FBXL17: variants seen among roughly 807,000 people sequenced by gnomAD.
FBXL17 encodes F-box/LRR-repeat protein 17.
FBXL17 carries 22 observed loss-of-function variants against 66.2 expected under a neutral mutation model. The observed-to-expected ratio is 0.33, with a 90% CI of 0.24 to 0.47. The LOEUF (loss-of-function observed/expected upper bound fraction) is 0.47, where lower values mean the gene tolerates loss of function less well. Ranked by LOEUF, FBXL17 falls within the 20% of genes least tolerant of loss-of-function variation. The pLI is 1.00. For synonymous variants in FBXL17, 474 were observed against 400.5 expected (o/e 1.18, Z -2.19); for missense variants, 878 against 948.2 (o/e 0.93, Z 0.97).
intron 4 of FBXL17, among the ~76,000 whole-genome samples, chr5:108,314,758 G>C (rs980791417): frequency 2.0e-5 from 3 of 151,390 alleles, no homozygotes; most frequent in African/African-American, 7.2e-5. Flanking sequence ...AAAGTCCTAA[G>C]ATTTATACTA....
chr5:108,189,675 T>C (rs1335442304), intron 5 of FBXL17, among the ~76,000 whole-genome samples: 1 of 152,208 alleles, frequency 6.6e-6, no homozygotes, highest in East Asian at 1.9e-4. Context: ...TGGTTCCTGA[T>C]TAGTTGACAC....
At chr5:108,334,542 C>T (rs909606890) in intron 4 of FBXL17, among the ~76,000 whole-genome samples, 5 of 152,188 alleles carry the variant, frequency 3.3e-5, no homozygotes, top group African/African-American at 1.2e-4. Flanking sequence ...AATTCAGTTT[C>T]TTTTGTTCTG....
chr5:107,991,285 G>A (rs2112692813), intron 7 of FBXL17, among the ~76,000 whole-genome samples: 1 of 152,306 alleles, frequency 6.6e-6, no homozygotes, highest in South Asian at 2.1e-4. Context: ...ACTGAATGCA[G>A]CAGCACCCTC....
intron 5 of FBXL17, among the ~76,000 whole-genome samples, chr5:108,207,562 G>A (rs955366399): frequency 6.6e-6 from 1 of 151,936 alleles, no homozygotes; most frequent in African/African-American, 2.4e-5. Context: ...TCCCACTTAC[G>A]AGTGAGAACA....
chr5:108,364,861 A>G lies in FBXL17; in HGVS notation c.1251T>C (p.Tyr417=). The change falls in exon 3 of 9, where the codon TAT becomes TAC. Residue 417 remains tyrosine (Y), a synonymous_variant. Coordinates refer to ENST00000542267, the MANE Select transcript of FBXL17 (RefSeq NM_001163315.3). ...AAAGCTGTTTACACCTGTAGGCTGT[A>G]TACCTAAGAAGTCCAGGACATTTAA... The part of the protein sequence containing the change: ...LAFKCPGLLR[Y]TAYRCKQLSD... The G allele has an allele frequency of 6.2e-7, 1 of 1,613,192 alleles. No homozygotes were observed. The highest frequency in any genetic ancestry group is 8.5e-7 in the Non-Finnish European group (1 of 1,179,364).
chr5:108,318,350 C>T (rs985900440), intron 4 of FBXL17, among the ~76,000 whole-genome samples: 1 of 151,044 alleles, frequency 6.6e-6, no homozygotes, highest in Non-Finnish European at 1.5e-5. Context: ...TACTGACCTC[C>T]TATTACATAC....
chr5:108,280,698 C>T (rs1374949079), intron 4 of FBXL17, among the ~76,000 whole-genome samples: 2 of 150,114 alleles, frequency 1.3e-5, no homozygotes, highest in Non-Finnish European at 3.0e-5. Flanking sequence ...AGATTAAATG[C>T]TCCAATTAAA....
intron 7 of FBXL17, among the ~76,000 whole-genome samples, chr5:107,932,232 C>T (rs946714398): frequency 2.2e-4 from 34 of 152,164 alleles, no homozygotes; most frequent in African/African-American, 6.0e-4. Flanking sequence ...GAAATGTTCA[C>T]GTGAATAGAA....
chr5:108,083,830 G>C (rs1403252041), intron 6 of FBXL17, among the ~76,000 whole-genome samples: 4 of 152,094 alleles, frequency 2.6e-5, no homozygotes, highest in Non-Finnish European at 1.5e-5. Context: ...CAACAAAACA[G>C]AGCAGACAGC....
chr5:108,075,312 C>T (rs182446539), intron 6 of FBXL17, among the ~76,000 whole-genome samples: 153 of 152,206 alleles, frequency 1.0e-3, no homozygotes, highest in Non-Finnish European at 1.8e-3. Flanking sequence ...TTATCTTCCT[C>T]TAACTAACAC....
intron 8 of FBXL17, among the ~76,000 whole-genome samples, chr5:107,867,003 AATTC>A (rs1323280008): frequency 1.3e-5 from 2 of 152,140 alleles, no homozygotes. Flanking sequence ...GTGCTGGCTA[AATTC>A]ATATAGGGAT....
chr5:108,349,013 C>T (rs530647869), intron 3 of FBXL17, among the ~76,000 whole-genome samples: 8 of 152,158 alleles, frequency 5.3e-5, no homozygotes, highest in African/African-American at 1.9e-4. Flanking sequence ...GCTATGTTAC[C>T]CAGACTAGTC....
intron 3 of FBXL17, among the ~76,000 whole-genome samples, chr5:108,350,426 C>T (rs907353603): frequency 2.0e-5 from 3 of 152,026 alleles, no homozygotes; most frequent in East Asian, 1.9e-4. Flanking sequence ...ACAGTGAAAA[C>T]GGAGGAATTC....
chr5:108,212,810 G>A (rs1320007634), intron 5 of FBXL17, among the ~76,000 whole-genome samples: 1 of 152,198 alleles, frequency 6.6e-6, no homozygotes, highest in Non-Finnish European at 1.5e-5. Flanking sequence ...CACTTGAAGA[G>A]GCAGTCTGAT....
chr5:108,376,798 T>G (rs1018533836), intron 1 of FBXL17, among the ~76,000 whole-genome samples: 1 of 150,848 alleles, frequency 6.6e-6, no homozygotes, highest in Non-Finnish European at 1.5e-5. Context: ...TTTTTTTTTT[T>G]TTTTTTTGAG....
At chr5:108,318,548 T>C (rs894424925) in intron 4 of FBXL17, among the ~76,000 whole-genome samples, 1 of 151,856 alleles carries the variant, frequency 6.6e-6, no homozygotes, top group Non-Finnish European at 1.5e-5. Context: ...CTAATAGCAT[T>C]TAATATCTTT....
At chr5:108,115,125 G>A (rs1260965526) in intron 6 of FBXL17, among the ~76,000 whole-genome samples, 1 of 152,126 alleles carries the variant, frequency 6.6e-6, no homozygotes, top group Non-Finnish European at 1.5e-5. Flanking sequence ...AATATAGGAA[G>A]GTGTCTATTG....
At chr5:108,126,308 T>C (rs1212164017) in intron 6 of FBXL17, among the ~76,000 whole-genome samples, 1 of 152,038 alleles carries the variant, frequency 6.6e-6, no homozygotes, top group Non-Finnish European at 1.5e-5. Context: ...ATTTTGGAGG[T>C]CTTGTAGGTG....
intron 7 of FBXL17, among the ~76,000 whole-genome samples, chr5:107,902,307 A>T (rs1229303359): frequency 6.6e-6 from 1 of 152,214 alleles, no homozygotes; most frequent in Admixed American, 6.6e-5. Flanking sequence ...ATAGGTTTAT[A>T]TGGGAGGAAA....
Sources: allele counts gnomAD v4.1 joint callset (sites outside exome capture counted in the v4.1 genomes callset), GRCh38; gene constraint gnomAD v4.1.1; transcripts MANE v1.5; gene names NCBI Gene and HGNC (gene_info 2026-07-23, HGNC 2026-07-21).